TMEM44: variants seen among roughly 807,000 people sequenced by gnomAD.
TMEM44 encodes the protein transmembrane protein 44.
In TMEM44, 43 loss-of-function variants were observed where a neutral mutation model predicts 47.8. The observed-to-expected ratio is 0.90, with a 90% CI of 0.70 to 1.16. The LOEUF is 1.16. Ranked by LOEUF, TMEM44 falls within the 50% of genes most tolerant of loss-of-function variation. TMEM44 has a pLI of 0.00. For missense variants in TMEM44, 568 were observed against 555.2 expected, an observed-to-expected ratio of 1.02 and a Z score of -0.23; for synonymous variants, 277 against 238.8, an observed-to-expected ratio of 1.16 and a Z score of -1.48.
Position 194,632,897 on chromosome 3 carries a change from T to C in TMEM44, c.137+182A>G, listed in dbSNP as rs1717966384. On this transcript the variant is annotated intron_variant, in intron 1 of 9. Transcript: ENST00000347147. ...TTTGGCTCACAGCCCAGCTTCCCTGTGCGTGGGATCCGGAAAGAAGATCCC... is the reference window on the plus strand; with the variant it reads ...TTTGGCTCACAGCCCAGCTTCCCTGCGCGTGGGATCCGGAAAGAAGATCCC... 2.9e-6 allele frequency: 3 copies of C among 1,052,476 alleles called. No individual in the cohort carries two copies. The African/African-American group carries it at 5.0e-5, about 18-fold the overall frequency. 65.2% of individuals were successfully genotyped at this position (1,052,476 alleles called of 1,614,324 possible). A position where few individuals can be genotyped will look rare whatever the true frequency, so the allele number is the denominator to read the frequency against.
rs186189986 is a variant in TMEM44, at chr3:194,611,573, G to A, written c.913-553C>T. On this transcript the variant is annotated intron_variant, in intron 7 of 9. Transcript: ENST00000347147. The surrounding 1 kb of genome is among the most constrained non-coding windows in gnomAD (Gnocchi z 4.2). ...CATTCTGATTTCATGGGTATGAGAT[G>A]TAACCGGGAAGTGGATCGTTTAAAC... Among the ~76,000 whole-genome samples, 43 of 152,342 alleles carry A rather than the reference G, an allele frequency of 2.8e-4. No individual in the cohort carries two copies. In the East Asian group the frequency reaches 8.3e-3, roughly 29 times the overall value.
intron 8 of TMEM44, among the ~76,000 whole-genome samples, chr3:194,609,083 C>T (rs1715053679): frequency 6.6e-6 from 1 of 152,172 alleles, no homozygotes; most frequent in Admixed American, 6.5e-5. Flanking sequence ...GCTTGAACCA[C>T]TGCAAAGACA....
chr3:194,622,583 CTT>C lies in TMEM44; in HGVS notation c.612+639_612+640del, dbSNP rs1044922951. ...TTTTTTTTTTAGACGGAGTTTCCCTCTTGTCGCCCAGGCTGGAGTGCAGTGGC... is the reference window on the plus strand; with the variant it reads ...TTTTTTTTTTAGACGGAGTTTCCCTCGTCGCCCAGGCTGGAGTGCAGTGGC... On this transcript the variant is annotated intron_variant, in intron 5 of 9. Coordinates refer to ENST00000347147, the MANE Select transcript of TMEM44 (RefSeq NM_001011655.3). 5 of 146,068 alleles carry C rather than the reference CTT, an allele frequency of 3.4e-5. No homozygotes were observed. The South Asian group carries it at 6.4e-4, about 19-fold the overall frequency. The allele number at this position is 146,068 out of a possible 1,614,324, so 9.0% of individuals were successfully genotyped here.
chr3:194,623,713 A>T lies in TMEM44; in HGVS notation c.359-18T>A. 6.2e-7 allele frequency: 1 copy of T among 1,613,780 alleles called. No individual in the cohort carries two copies. The highest frequency in any genetic ancestry group is 1.1e-5 in the South Asian group (1 of 91,016). On this transcript the variant is annotated intron_variant, in intron 3 of 9. Coordinates refer to ENST00000347147, the MANE Select transcript of TMEM44 (RefSeq NM_001011655.3). ...TTCCCGATCTGCAACAGACACCAAA[A>T]TCCCACATGGCTCCTGGAAGCCAGA...
intron 2 of TMEM44, among the ~76,000 whole-genome samples, chr3:194,626,681 GTTTTTTT>G (rs61419904): frequency 2.3e-5 from 3 of 133,138 alleles, no homozygotes; most frequent in Admixed American, 8.0e-5. Flanking sequence ...ATGTAGTTAA[GTTTTTTT>G]TTTTTTTTTT....
chr3:194,629,264 G>T (rs1244903279), intron 1 of TMEM44, among the ~76,000 whole-genome samples: 2 of 152,192 alleles, frequency 1.3e-5, no homozygotes, highest in Non-Finnish European at 2.9e-5. Flanking sequence ...AAATTCAAAC[G>T]AAATTCTTCT....
intron 6 of TMEM44, among the ~76,000 whole-genome samples, chr3:194,616,038 C>A (rs1715841312): frequency 6.6e-6 from 1 of 151,994 alleles, no homozygotes; most frequent in Non-Finnish European, 1.5e-5. Context: ...AAATTCAGAT[C>A]CACCTCTGAA....
At position 194,625,958 on chromosome 3, in the gene TMEM44, G is replaced by A. The variant is rs748613534; in HGVS notation, c.297C>T (p.Asp99=). The A allele has an allele frequency of 1.5e-5, 25 of 1,613,730 alleles. No individual in the cohort carries two copies. The highest frequency in any genetic ancestry group is 1.6e-4 in the Middle Eastern group (1 of 6,080). Residue 99 remains aspartate, a synonymous_variant, in exon 3 of 10, where the codon GAC becomes GAT. Transcript: ENST00000347147. The stretch of plus-strand genomic sequence containing the variant: ...AGAGAATGAACATAAAGTTCACTAA[G>A]TCAATAGCTGCTAGGTAGGCACCAG... The part of the protein sequence containing the change: ...VFTGAYLAAI[D]LVNFMFILFP...
chr3:194,597,651 A>G (rs1713584923), intron 9 of TMEM44, among the ~76,000 whole-genome samples: 2 of 131,764 alleles, frequency 1.5e-5, no homozygotes, highest in Non-Finnish European at 3.0e-5. Flanking sequence ...CTCTGTCTCA[A>G]AAAAAAAAAA....
chr3:194,614,336 G>T (rs1041903606), intron 7 of TMEM44, among the ~76,000 whole-genome samples: 1 of 152,180 alleles, frequency 6.6e-6, no homozygotes, highest in African/African-American at 2.4e-5. Flanking sequence ...TGGTGGTAAT[G>T]ATGTGGATAT....
rs942136831 is a variant in TMEM44, at chr3:194,588,351, C to T, written c.*178G>A. 47 of 599,106 alleles carry T rather than the reference C, an allele frequency of 7.8e-5. No homozygotes were observed. Among genetic ancestry groups the T allele is most frequent in the African/African-American group, 6.1e-4 (33 of 53,886 alleles). 37.1% of individuals were successfully genotyped at this position (599,106 alleles called of 1,614,324 possible). A position where few individuals can be genotyped will look rare whatever the true frequency, so the allele number is the denominator to read the frequency against. On this transcript the variant is annotated 3_prime_UTR_variant, in exon 10 of 10. Coordinates refer to ENST00000347147, the MANE Select transcript of TMEM44 (RefSeq NM_001011655.3). ...CAGGTCTGTCCGCAGTACCCAAAGT[C>T]GTAGCTCCGTGATGAGCTATGATGT...
chr3:194,619,434 G>C (rs1716289270), intron 5 of TMEM44, among the ~76,000 whole-genome samples: 1 of 152,218 alleles, frequency 6.6e-6, no homozygotes, highest in South Asian at 2.1e-4. Flanking sequence ...CCCAGCCTGG[G>C]CTGCCTGGCA....
intron 5 of TMEM44, 56 bp from the exon 6 acceptor site, chr3:194,617,325 G>T (rs780406758): frequency 1.2e-4 from 181 of 1,459,136 alleles, no homozygotes; most frequent in Non-Finnish European, 2.3e-5. Context: ...CAAGACCCAG[G>T]GCCCTCAGTG....
At chr3:194,593,041 C>A (rs1037940073) in intron 9 of TMEM44, 3 of 1,613,880 alleles carry the variant, frequency 1.9e-6, no homozygotes, top group Non-Finnish European at 2.5e-6. Flanking sequence ...TCGTCCATAC[C>A]TGCTCCGAGT....
rs1295396982 is a variant in TMEM44, at chr3:194,633,285, AGCGCCGCCGCCCCGC to A, written c.-85_-71del. 1 of 794,226 alleles carries A rather than the reference AGCGCCGCCGCCCCGC, an allele frequency of 1.3e-6. No individual in the cohort carries two copies. The highest frequency in any genetic ancestry group is 1.9e-5 in the African/African-American group (1 of 53,000). 49.2% of individuals were successfully genotyped at this position (794,226 alleles called of 1,614,324 possible). ...CCTCCCTCGCCGCGGGCAAGCCCCG[AGCGCCGCCGCCCCGC>A]GTGCCCTTCTCTGGGTTCCGTTCCG... On this transcript the variant is annotated 5_prime_UTR_variant, in exon 1 of 10. Transcript: ENST00000347147.
chr3:194,615,633 G>T lies in TMEM44; in HGVS notation c.848C>A (p.Ala283Asp). ...MRQALGFAKE[A>D]RESPDTQALL... ...GGCTTGGGTGTCAGGGCTCTCTCTG[G>T]CTTCCTTGGCAAATCCTAAGGCCTG... The change falls in exon 7 of 10, where the codon GCC becomes GAC. Residue 283 changes from alanine (A) to aspartate (D), a missense_variant. Physicochemically the swap from Ala to Asp is moderately radical, Grantham distance 126. Coordinates refer to ENST00000347147, the MANE Select transcript of TMEM44 (RefSeq NM_001011655.3). 1.2e-6 allele frequency: 2 copies of T among 1,614,066 alleles called. No homozygotes were observed. The highest frequency in any genetic ancestry group is 1.7e-6 in the Non-Finnish European group (2 of 1,179,998).
rs1367506976 is a variant in TMEM44, at chr3:194,611,921, C to T, written c.913-901G>A. On this transcript the variant is annotated intron_variant, in intron 7 of 9. Transcript: ENST00000347147. This position sits in a 1 kb window ranked among gnomAD's most constrained non-coding sequence, Gnocchi z 4.2. The stretch of plus-strand genomic sequence containing the variant: ...TCTGTAATCCTAGCTACGTGGGAGG[C>T]GGAGGCAGGAGAATCGCTTGAACCC... Among the ~76,000 whole-genome samples, 1 of 151,916 alleles carries T rather than the reference C, an allele frequency of 6.6e-6. No individual in the cohort carries two copies. The highest frequency in any genetic ancestry group is 1.5e-5 in the Non-Finnish European group (1 of 68,002).
intron 3 of TMEM44, 24 bp downstream of exon 3, chr3:194,625,872 CA>C: frequency 1.3e-6 from 2 of 1,582,912 alleles, no homozygotes; most frequent in Non-Finnish European, 1.7e-6. Flanking sequence ...TGAATAAAGA[CA>C]GGAAAAGACA....
rs2109184322 is a variant in TMEM44, at chr3:194,611,394, C to A, written c.913-374G>T. On this transcript the variant is annotated intron_variant, in intron 7 of 9. Transcript: ENST00000347147. The surrounding 1 kb of genome is among the most constrained non-coding windows in gnomAD (Gnocchi z 4.2). The stretch of plus-strand genomic sequence containing the variant: ...TGCTGGGATGACAGGCGTGAGCCAC[C>A]ACACCCGGCCTATTCTGCTTTTTAA... 6.6e-6 allele frequency among the ~76,000 whole-genome samples: 1 copy of A among 152,252 alleles called. No individual in the cohort carries two copies. The highest frequency in any genetic ancestry group is 1.9e-4 in the East Asian group (1 of 5,180).
Sources: allele counts gnomAD v4.1 joint callset (sites outside exome capture counted in the v4.1 genomes callset), GRCh38; gene constraint gnomAD v4.1.1; non-coding constraint Gnocchi (gnomAD v3.1); transcripts MANE v1.5; gene names NCBI Gene and HGNC (gene_info 2026-07-23, HGNC 2026-07-21).